The following MROH9 variants were observed in gnomAD, a reference collection of about 807,000 sequenced individuals.
The protein encoded by MROH9 is maestro heat like repeat family member 9, also known as maestro heat-like repeat-containing protein family member 9.
Under a neutral mutation model 98.2 loss-of-function variants are expected in MROH9, and 92 were observed. That is an observed-to-expected ratio of 0.94 (90% CI 0.79 to 1.11). The LOEUF (loss-of-function observed/expected upper bound fraction) is 1.11, where lower values mean the gene tolerates loss of function less well. MROH9 is among the 50% of genes most tolerant of loss of function. The pLI, the probability that MROH9 is intolerant of heterozygous loss-of-function variation, is 0.00. For missense variants in MROH9, 1,057 were observed against 1,014.8 expected (o/e 1.04, Z -0.57); for synonymous variants, 397 against 368.9 (o/e 1.08, Z -0.87).
chr1:171,004,684 C>A (rs1400227095), intron 15 of MROH9, among the ~76,000 whole-genome samples: 2 of 152,124 alleles, frequency 1.3e-5, no homozygotes, highest in Non-Finnish European at 2.9e-5. Context: ...TTTGTCCTTG[C>A]AATCAATCTG....
intron 10 of MROH9, among the ~76,000 whole-genome samples, 180 bp from the exon 11 acceptor site, chr1:170,989,675 G>T (rs1314001802): frequency 2.0e-5 from 3 of 152,194 alleles, no homozygotes; most frequent in Admixed American, 6.5e-5. Flanking sequence ...TCATCCAGAT[G>T]AATATTTTGC....
intron 13 of MROH9, 97 bp from the exon 14 acceptor site, chr1:170,996,410 T>C: frequency 7.3e-7 from 1 of 1,376,078 alleles, no homozygotes. Context: ...TCAAAACCTA[T>C]ATTCTGCCCA....
At chr1:171,051,018 G>A (rs957881643) in intron 20 of MROH9, among the ~76,000 whole-genome samples, 1 of 152,022 alleles carries the variant, frequency 6.6e-6, no homozygotes, top group African/African-American at 2.4e-5. Context: ...CTTGATTGTG[G>A]TATATTATCT....
chr1:170,990,592 C>T (rs1337935143), intron 11 of MROH9, among the ~76,000 whole-genome samples: 1 of 152,108 alleles, frequency 6.6e-6, no homozygotes, highest in Non-Finnish European at 1.5e-5. Flanking sequence ...AAAATCACAC[C>T]ACTCCATTTC....
chr1:170,969,889 G>C (rs137989034), intron 7 of MROH9, among the ~76,000 whole-genome samples: 104 of 152,214 alleles, frequency 6.8e-4, no homozygotes, highest in African/African-American at 2.4e-3. Context: ...TTAGAGGAGG[G>C]GTAACTGTGG....
In MROH9 at chr1:170,953,591, G is replaced by A. The variant is rs1649639159; in HGVS notation, c.73-4870G>A. Among the ~76,000 whole-genome samples the A allele has an allele frequency of 2.6e-5, 4 of 151,966 alleles. No individual in the cohort carries two copies. The South Asian group carries it at 8.3e-4, about 32-fold the overall frequency. On this transcript the variant is annotated intron_variant, in intron 3 of 21. Transcript: ENST00000367759. ...TTGTAACATAAAGTCTTGTAGCATTGGCCCACACAGTTTCTAACTTTCAGA... is the reference window on the plus strand; with the variant it reads ...TTGTAACATAAAGTCTTGTAGCATTAGCCCACACAGTTTCTAACTTTCAGA...
intron 19 of MROH9, among the ~76,000 whole-genome samples, 184 bp from the exon 20 acceptor site, chr1:171,025,134 A>G (rs1209250592): frequency 6.6e-6 from 1 of 152,188 alleles, no homozygotes; most frequent in East Asian, 1.9e-4. Flanking sequence ...CCAAGTGGGG[A>G]TGGATGAATG....
At chr1:170,975,921 T>C (rs1650667249) in intron 8 of MROH9, among the ~76,000 whole-genome samples, 1 of 152,210 alleles carries the variant, frequency 6.6e-6, no homozygotes. Flanking sequence ...TTTTTGTCTT[T>C]TTTGATCTTT....
intron 17 of MROH9, among the ~76,000 whole-genome samples, chr1:171,020,125 T>C (rs1652469682): frequency 6.6e-6 from 1 of 152,108 alleles, no homozygotes; most frequent in South Asian, 2.1e-4. Flanking sequence ...CAGTAATTAA[T>C]AGCCTACTGA....
At chr1:171,020,084 A>T (rs982109197) in intron 17 of MROH9, among the ~76,000 whole-genome samples, 5 of 152,182 alleles carry the variant, frequency 3.3e-5, no homozygotes, top group African/African-American at 4.8e-5. Flanking sequence ...TGGATCCCTG[A>T]ATAGACGAAT....
chr1:170,957,787 A>ATTTTTTT (rs1372647484), intron 3 of MROH9, among the ~76,000 whole-genome samples: 1 of 128,000 alleles, frequency 7.8e-6, no homozygotes, highest in Non-Finnish European at 1.7e-5. Context: ...CCCTGCTGGC[A>ATTTTTTT]TTTTTTTGTT....
intron 8 of MROH9, among the ~76,000 whole-genome samples, chr1:170,981,890 G>A (rs762367635): frequency 6.6e-6 from 1 of 152,092 alleles, no homozygotes; most frequent in Non-Finnish European, 1.5e-5. Flanking sequence ...AACCTATAAT[G>A]AGATACCACT....
chr1:171,046,863 A>C (rs1653487096), intron 20 of MROH9, among the ~76,000 whole-genome samples: 1 of 152,168 alleles, frequency 6.6e-6, no homozygotes, highest in Non-Finnish European at 1.5e-5. Flanking sequence ...GTATTGATGA[A>C]ATCCCTCAGC....
chr1:171,014,378 C>A, intron 16 of MROH9, 124 bp downstream of exon 16: 1 of 810,872 alleles, frequency 1.2e-6, no homozygotes, highest in Non-Finnish European at 1.8e-6. Flanking sequence ...TAAAACATAT[C>A]AAAGCCTGCT....
chr1:171,012,986 T>G (rs568624074), intron 15 of MROH9, among the ~76,000 whole-genome samples: 12 of 152,224 alleles, frequency 7.9e-5, no homozygotes, highest in African/African-American at 2.6e-4. Context: ...CTCCCTGCTG[T>G]CCAGTCTTCT....
chr1:171,009,329 T>G (rs1652067759), intron 15 of MROH9, among the ~76,000 whole-genome samples: 1 of 152,158 alleles, frequency 6.6e-6, no homozygotes, highest in African/African-American at 2.4e-5. Context: ...AATTACTCCA[T>G]GCAGCTTATG....
intron 1 of MROH9, 91 bp from the exon 2 acceptor site, chr1:170,945,429 T>G (rs1057401459): frequency 1.3e-5 from 10 of 774,572 alleles, no homozygotes; most frequent in Non-Finnish European, 2.2e-5. Flanking sequence ...ATCCACATAC[T>G]GTATATCATA....
intron 15 of MROH9, among the ~76,000 whole-genome samples, chr1:171,012,993 T>G (rs765683152): frequency 1.1e-4 from 16 of 152,248 alleles, no homozygotes; most frequent in Non-Finnish European, 1.8e-4. Flanking sequence ...CTGTCCAGTC[T>G]TCTGTTCCCT....
intron 5 of MROH9, among the ~76,000 whole-genome samples, chr1:170,960,726 A>G (rs1649985278): frequency 6.6e-6 from 1 of 152,186 alleles, no homozygotes; most frequent in Non-Finnish European, 1.5e-5. Context: ...GGACTCAAGC[A>G]ATCCTTCCAT....
Sources: allele counts gnomAD v4.1 joint callset (sites outside exome capture counted in the v4.1 genomes callset), GRCh38; gene constraint gnomAD v4.1.1; transcripts MANE v1.5; gene names NCBI Gene and HGNC (gene_info 2026-07-23, HGNC 2026-07-21).